Variants in PTK7 observed in about 807,000 individuals in gnomAD.
The protein encoded by PTK7 is protein tyrosine kinase 7 (inactive), also known as inactive tyrosine-protein kinase 7.
A neutral mutation model predicts 116.6 loss-of-function variants in PTK7; 39 were observed. The ratio of observed to expected loss-of-function variants is 0.33; its 90% CI spans 0.26 to 0.44. The LOEUF is 0.44. Among genes scored for constraint, PTK7 ranks in the 20% least tolerant of loss-of-function variants. PTK7 has a pLI of 1.00. For missense variants in PTK7, 1,169 were observed against 1,425.6 expected (o/e 0.82, Z 2.90); for synonymous variants, 546 against 563.6 (o/e 0.97, Z 0.44).
intron 1 of PTK7, among the ~76,000 whole-genome samples, chr6:43,084,382 A>G (rs572499121): frequency 4.6e-4 from 70 of 152,248 alleles, no homozygotes; most frequent in African/African-American, 1.6e-3. Flanking sequence ...GGCTCAAGCT[A>G]TCCTTCTGCC....
At chr6:43,133,893 C>T (rs969575119) in intron 7 of PTK7, among the ~76,000 whole-genome samples, 10 of 152,164 alleles carry the variant, frequency 6.6e-5, no homozygotes, top group Admixed American at 5.9e-4. Flanking sequence ...AGACATGCAC[C>T]TATACTCAGG....
rs373219918 is a variant in PTK7, at chr6:43,144,434, G to A, written c.2252-17G>A. On this transcript the variant is annotated splice_polypyrimidine_tract_variant and intron_variant, in intron 14 of 19. Transcript: ENST00000230419. The stretch of plus-strand genomic sequence containing the variant: ...TGTCAGGTCTCATCGTGACGCTCTT[G>A]TCCTCCTCCTTCCCAGGTGGGCCTT... 2.5e-6 allele frequency: 4 copies of A among 1,613,932 alleles called. No homozygotes were observed. The highest frequency in any genetic ancestry group is 2.7e-5 in the African/African-American group (2 of 74,930).
intron 7 of PTK7, among the ~76,000 whole-genome samples, chr6:43,134,548 G>T (rs186278583): frequency 6.6e-6 from 1 of 152,106 alleles, no homozygotes; most frequent in Non-Finnish European, 1.5e-5. Flanking sequence ...TTGGGAGGCC[G>T]AGGTGGGTGG....
intron 5 of PTK7, among the ~76,000 whole-genome samples, chr6:43,131,531 A>G (rs1582161142): frequency 6.6e-6 from 1 of 152,228 alleles, no homozygotes; most frequent in African/African-American, 2.4e-5. Context: ...CACGTCTTAC[A>G]TGGATGGCAG....
At chr6:43,155,365 TG>T (rs1163643744) in intron 17 of PTK7, among the ~76,000 whole-genome samples, 1 of 152,148 alleles carries the variant, frequency 6.6e-6, no homozygotes, top group Non-Finnish European at 1.5e-5. Flanking sequence ...TTAATGTGGC[TG>T]GGTGTGGTGG....
intron 18 of PTK7, among the ~76,000 whole-genome samples, 189 bp downstream of exon 18, chr6:43,159,157 C>T (rs951703072): frequency 2.0e-5 from 3 of 152,102 alleles, no homozygotes; most frequent in Admixed American, 2.0e-4. Flanking sequence ...CCAGTGCACA[C>T]CCTTGGTGGT....
rs745556468 is a variant in PTK7 at position 43,129,037 on chromosome 6, G to A, written c.140G>A (p.Arg47His). ...TCCTCCCAGGATGCACTGCAGGGGC[G>A]CCGGGCGCTGCTTCGCTGTGAGGTT... ...QPSSQDALQG[R>H]RALLRCEVEA... Residue 47 changes from arginine to histidine, a missense_variant, in exon 2 of 20, where the codon CGC (arginine) becomes CAC (histidine). Arg to His is a conservative substitution (Grantham distance 29). Coordinates refer to ENST00000230419, the MANE Select transcript of PTK7 (RefSeq NM_002821.5). This position sits in a 1 kb window ranked among gnomAD's most constrained non-coding sequence, Gnocchi z 4.5. 25 of 1,614,002 alleles carry A rather than the reference G, an allele frequency of 1.5e-5. No individual in the cohort carries two copies. The highest frequency in any genetic ancestry group is 2.7e-5 in the African/African-American group (2 of 74,930).
At chr6:43,113,529 T>C (rs1225019663) in intron 1 of PTK7, among the ~76,000 whole-genome samples, 5 of 152,222 alleles carry the variant, frequency 3.3e-5, no homozygotes, top group Non-Finnish European at 5.9e-5. Context: ...TGTTTCCTTC[T>C]GGCCCTAGGC....
chr6:43,084,743 T>G (rs1038121483), intron 1 of PTK7, among the ~76,000 whole-genome samples: 21 of 152,056 alleles, frequency 1.4e-4, no homozygotes, highest in African/African-American at 5.1e-4. Context: ...AGAAGAACAT[T>G]CTAGAATGTG....
Position 43,143,637 on chromosome 6 carries a change from G to C in PTK7, c.2251+17G>C, listed in dbSNP as rs748657203. 54 of 1,605,178 alleles carry C rather than the reference G, an allele frequency of 3.4e-5. No homozygotes were observed. Among genetic ancestry groups the C allele is most frequent in the Admixed American group, 1.0e-4 (6 of 59,102 alleles). On this transcript the variant is annotated intron_variant, in intron 14 of 19. Transcript: ENST00000230419. The surrounding 1 kb of genome is among the most constrained non-coding windows in gnomAD (Gnocchi z 4.2). ...GCCTCAACGGTGAGGGGCCCTGGACGGGGAGGTGGTGCCCGTGTGCGGGAG... is the reference window on the plus strand; with the variant it reads ...GCCTCAACGGTGAGGGGCCCTGGACCGGGAGGTGGTGCCCGTGTGCGGGAG...
intron 7 of PTK7, among the ~76,000 whole-genome samples, chr6:43,134,851 G>A (rs1323216056): frequency 6.6e-6 from 1 of 152,030 alleles, no homozygotes; most frequent in African/African-American, 2.4e-5. Flanking sequence ...TTGGGAGGCT[G>A]AGGCTGGAGG....
Position 43,159,878 on chromosome 6 carries a change from T to C in PTK7, c.2964T>C (p.Asp988=). 1 of 1,614,246 alleles carries C rather than the reference T, an allele frequency of 6.2e-7. No individual in the cohort carries two copies. The highest frequency in any genetic ancestry group is 1.3e-5 in the African/African-American group (1 of 75,068). The change falls in exon 19 of 20, where the codon GAT becomes GAC. Residue 988 remains aspartate (D), a synonymous_variant. Coordinates refer to ENST00000230419, the MANE Select transcript of PTK7 (RefSeq NM_002821.5). ...AGGGTGACTTCTCTACCAAGTCTGA[T>C]GTCTGGGCCTTCGGTGTGCTGATGT... ...ILEGDFSTKS[D]VWAFGVLMWE...
At chr6:43,111,159 T>G (rs1452162582) in intron 1 of PTK7, among the ~76,000 whole-genome samples, 1 of 152,108 alleles carries the variant, frequency 6.6e-6, no homozygotes, top group African/African-American at 2.4e-5. Flanking sequence ...GCACCCCTAT[T>G]AGGAATGCAA....
At chr6:43,087,608 A>G (rs1766730845) in intron 1 of PTK7, among the ~76,000 whole-genome samples, 1 of 152,178 alleles carries the variant, frequency 6.6e-6, no homozygotes, top group East Asian at 1.9e-4. Context: ...GTTGGAAGAC[A>G]TGGACTCTCC....
intron 1 of PTK7, among the ~76,000 whole-genome samples, chr6:43,101,781 A>G (rs1582092394): frequency 2.6e-5 from 4 of 152,324 alleles, no homozygotes; most frequent in Non-Finnish European, 5.9e-5. Flanking sequence ...GTAAAAGTCT[A>G]ATATAGAATA....
Position 43,127,657 on chromosome 6 carries a change from C to T in PTK7, c.80-1320C>T, listed in dbSNP as rs188747198. Among the ~76,000 whole-genome samples, 23 of 151,988 alleles carry T rather than the reference C, an allele frequency of 1.5e-4. No individual in the cohort carries two copies. In the East Asian group the frequency reaches 3.5e-3, roughly 23 times the overall value. ...AAAGAACAGGACATGGGGCCGGGTG[C>T]GGTGGCTCACGCCTGTAATCCCAGC... On this transcript the variant is annotated intron_variant, in intron 1 of 19. Coordinates refer to ENST00000230419, the MANE Select transcript of PTK7 (RefSeq NM_002821.5).
At chr6:43,142,472 G>A (rs749069236) in intron 13 of PTK7, 173 bp downstream of exon 13, 8 of 1,060,526 alleles carry the variant, frequency 7.5e-6, no homozygotes, top group African/African-American at 1.6e-5. Context: ...GCTCAGAGCC[G>A]GGCTGTCGTT....
chr6:43,116,610 G>C (rs1768540925), intron 1 of PTK7, among the ~76,000 whole-genome samples: 1 of 41,658 alleles, frequency 2.4e-5, no homozygotes. Context: ...TGGTTTGTGT[G>C]TGTGTGTGTG....
At chr6:43,108,387 G>A (rs1030364790) in intron 1 of PTK7, among the ~76,000 whole-genome samples, 3 of 150,130 alleles carry the variant, frequency 2.0e-5, no homozygotes, top group Non-Finnish European at 4.4e-5. Context: ...GAGCCACCGC[G>A]CCCGGCCAAC....
Sources: allele counts gnomAD v4.1 joint callset (sites outside exome capture counted in the v4.1 genomes callset), GRCh38; gene constraint gnomAD v4.1.1; non-coding constraint Gnocchi (gnomAD v3.1); transcripts MANE v1.5; gene names NCBI Gene and HGNC (gene_info 2026-07-23, HGNC 2026-07-21).